LRP1B: variants seen among roughly 807,000 people sequenced by gnomAD.
LRP1B encodes low-density lipoprotein receptor-related protein 1B.
In LRP1B, 217 loss-of-function variants were observed where a neutral mutation model predicts 556.6. That is an observed-to-expected ratio of 0.39 (90% CI 0.35 to 0.44). The LOEUF (loss-of-function observed/expected upper bound fraction) is 0.44. LRP1B is among the 20% of genes least tolerant of loss of function. The probability of loss-of-function intolerance (pLI) is 1.00; values close to 1 mark genes in which losing one functional copy is unlikely to be tolerated. For synonymous variants in LRP1B, 2,047 were observed against 1,865.8 expected, an observed-to-expected ratio of 1.10 and a Z score of -2.50; for missense variants, 5,053 against 5,620.8, an observed-to-expected ratio of 0.90 and a Z score of 3.23.
At position 140,274,544 on chromosome 2, in the gene LRP1B, C is replaced by G. The variant is rs771700817; in HGVS notation, c.13022G>C (p.Gly4341Ala). ...NSESCTIGDD[G>A]SVECVCPTRY... ...CGTTGGACAGACACATTCAACACTT[C>G]CATCATCCCCAATGGTACATGATTC... Residue 4341 changes from glycine to alanine, a missense_variant, in exon 85 of 91, where the codon GGA becomes GCA. Physicochemically the swap from Gly to Ala is moderately conservative, Grantham distance 60 (BLOSUM62 0). Coordinates refer to ENST00000389484, the MANE Select transcript of LRP1B (RefSeq NM_018557.3). 4.0e-5 allele frequency: 64 copies of G among 1,612,442 alleles called. No individual in the cohort carries two copies. The highest frequency in any genetic ancestry group is 1.6e-4 in the Middle Eastern group (1 of 6,076).
intron 1 of LRP1B, among the ~76,000 whole-genome samples, chr2:141,823,846 A>T (rs772442390): frequency 2.6e-5 from 4 of 151,920 alleles, no homozygotes; most frequent in Admixed American, 6.6e-5. Flanking sequence ...TTATTTATTT[A>T]TTTTTTAAGT....
chr2:141,604,025 A>G (rs1216280218), intron 2 of LRP1B, among the ~76,000 whole-genome samples: 1 of 152,192 alleles, frequency 6.6e-6, no homozygotes, highest in African/African-American at 2.4e-5. Flanking sequence ...ATTCAAATGA[A>G]TACAGTTTTG....
intron 18 of LRP1B, among the ~76,000 whole-genome samples, chr2:140,966,000 G>A (rs1462838889): frequency 2.6e-5 from 4 of 152,104 alleles, no homozygotes; most frequent in Non-Finnish European, 4.4e-5. Context: ...ATTGTGAATA[G>A]TGCCACAATA....
chr2:141,578,947 C>T lies in LRP1B; in HGVS notation c.206-98414G>A, dbSNP rs1363126567. 2.6e-5 allele frequency among the ~76,000 whole-genome samples: 4 copies of T among 152,214 alleles called. No individual in the cohort carries two copies. In the East Asian group the frequency reaches 7.7e-4, roughly 29 times the overall value. On this transcript the variant is annotated intron_variant, in intron 2 of 90. Coordinates refer to ENST00000389484, the MANE Select transcript of LRP1B (RefSeq NM_018557.3). ...TTGCAATACATGACGATTTGAGTTT[C>T]CAGAAAACTCAGATCAGTCCCAGGA... is the stretch of plus-strand genomic sequence containing the variant.
intron 7 of LRP1B, among the ~76,000 whole-genome samples, chr2:141,067,708 C>G (rs2105477095): frequency 6.6e-6 from 1 of 152,064 alleles, no homozygotes; most frequent in South Asian, 2.1e-4. Flanking sequence ...GATAATTAGA[C>G]CAAGAAGGAA....
chr2:140,528,186 G>A (rs927468152), intron 47 of LRP1B, among the ~76,000 whole-genome samples: 3 of 151,928 alleles, frequency 2.0e-5, no homozygotes, highest in Non-Finnish European at 2.9e-5. Context: ...GAAATTCAGC[G>A]ATTTCACGTA....
chr2:141,408,196 G>T (rs1181361268), intron 3 of LRP1B, among the ~76,000 whole-genome samples: 2 of 144,644 alleles, frequency 1.4e-5, no homozygotes, highest in African/African-American at 5.1e-5. Flanking sequence ...AGGCTGGAGT[G>T]CAGTGGCATG....
chr2:140,988,609 A>G (rs1275337561), intron 17 of LRP1B, among the ~76,000 whole-genome samples: 1 of 152,106 alleles, frequency 6.6e-6, no homozygotes, highest in Non-Finnish European at 1.5e-5. Flanking sequence ...TCTTTCCAAG[A>G]AAAAAGCTGG....
intron 2 of LRP1B, among the ~76,000 whole-genome samples, chr2:141,674,771 A>C (rs1362213669): frequency 6.6e-6 from 1 of 152,066 alleles, no homozygotes; most frequent in Non-Finnish European, 1.5e-5. Context: ...ATATTTCTGA[A>C]ACCAAAGTTC....
rs1553513123 is a variant in LRP1B, at chr2:140,682,675, C to CATGT, written c.6799+17574_6799+17575insACAT. On this transcript the variant is annotated intron_variant, in intron 41 of 90. Transcript: ENST00000389484. ...ACTTTTCTCTAGCTTGAGAGTATTG[C>CATGT]GTGTGTGTGTGTGTGTGTGTGTGCG... Among the ~76,000 whole-genome samples, 7 of 149,546 alleles carry CATGT rather than the reference C, an allele frequency of 4.7e-5. No individual in the cohort carries two copies. The East Asian group carries it at 5.9e-4, about 13-fold the overall frequency.
chr2:140,325,922 G>T, intron 79 of LRP1B, 44 bp from the exon 80 acceptor site: 1 of 1,197,924 alleles, frequency 8.3e-7, no homozygotes, highest in Non-Finnish European at 1.2e-6. Flanking sequence ...AAGTAAATTT[G>T]AAATCATTCA....
intron 2 of LRP1B, among the ~76,000 whole-genome samples, chr2:141,684,317 G>C (rs1691215778): frequency 6.6e-6 from 1 of 152,066 alleles, no homozygotes; most frequent in African/African-American, 2.4e-5. Flanking sequence ...CATGGATGAA[G>C]ATGGAAACCA....
chr2:141,668,567 G>A (rs1237641483), intron 2 of LRP1B, among the ~76,000 whole-genome samples: 1 of 152,124 alleles, frequency 6.6e-6, no homozygotes, highest in Non-Finnish European at 1.5e-5. Context: ...ATGGCTGTGG[G>A]ATGGCCAAAC....
At chr2:140,368,266 A>T (rs529540124) in intron 71 of LRP1B, among the ~76,000 whole-genome samples, 1 of 151,998 alleles carries the variant, frequency 6.6e-6, no homozygotes, top group Admixed American at 6.6e-5. Flanking sequence ...AAAAGTATAT[A>T]TGAATTAACA....
intron 56 of LRP1B, 139 bp from the exon 57 acceptor site, chr2:140,492,832 A>T: frequency 1.6e-6 from 1 of 612,452 alleles, no homozygotes; most frequent in East Asian, 2.8e-5. Flanking sequence ...AAAGGATCAT[A>T]CTGAGCAACG....
At chr2:141,185,446 T>C (rs557214315) in intron 7 of LRP1B, among the ~76,000 whole-genome samples, 24 of 152,040 alleles carry the variant, frequency 1.6e-4, no homozygotes, top group East Asian at 1.6e-3. Flanking sequence ...CAAGGAACTA[T>C]TGAAAGGAAA....
intron 1 of LRP1B, among the ~76,000 whole-genome samples, chr2:141,975,659 T>C (rs905586212): frequency 1.3e-5 from 2 of 152,102 alleles, no homozygotes; most frequent in African/African-American, 2.4e-5. Flanking sequence ...TTTCTATTCA[T>C]CAACACCAAT....
chr2:141,723,299 T>C (rs899134624), intron 2 of LRP1B, among the ~76,000 whole-genome samples: 17 of 150,824 alleles, frequency 1.1e-4, no homozygotes, highest in African/African-American at 4.1e-4. Flanking sequence ...TATTATTTTC[T>C]GCTGTTTTAT....
chr2:141,820,113 C>A (rs551706864), intron 1 of LRP1B, among the ~76,000 whole-genome samples: 2 of 152,156 alleles, frequency 1.3e-5, no homozygotes, highest in East Asian at 1.9e-4. Context: ...ATTATAACAA[C>A]CATGAAAACT....
Sources: allele counts gnomAD v4.1 joint callset (sites outside exome capture counted in the v4.1 genomes callset), GRCh38; gene constraint gnomAD v4.1.1; transcripts MANE v1.5; gene names NCBI Gene and HGNC (gene_info 2026-07-23, HGNC 2026-07-21).